SLC35B3: variants seen among roughly 807,000 people sequenced by gnomAD.
SLC35B3 encodes adenosine 3'-phospho 5'-phosphosulfate transporter 2.
A neutral mutation model predicts 44.1 loss-of-function variants in SLC35B3; 35 were observed. That is an observed-to-expected ratio of 0.79 (90% CI 0.61 to 1.05). The LOEUF (loss-of-function observed/expected upper bound fraction) is 1.05. SLC35B3 is among the 50% of genes least tolerant of loss of function. SLC35B3 has a pLI of 0.00. For missense variants in SLC35B3, 414 were observed against 476.4 expected, an observed-to-expected ratio of 0.87 and a Z score of 1.22; for synonymous variants, 146 against 167.3, an observed-to-expected ratio of 0.87 and a Z score of 0.98.
rs1255426223 is a variant in SLC35B3, at chr6:8,434,715, A to G, written c.-43-285T>C. Among the ~76,000 whole-genome samples the G allele has an allele frequency of 6.6e-6, 1 of 152,194 alleles. No individual in the cohort carries two copies. Among genetic ancestry groups the G allele is most frequent in the Non-Finnish European group, 1.5e-5 (1 of 68,032 alleles). On this transcript the variant is annotated intron_variant, in intron 1 of 10. Transcript: ENST00000644923. The surrounding 1 kb of genome is among the most constrained non-coding windows in gnomAD (Gnocchi z 6.3). ...AACAATTCTAGGCTTCTGATATCCT[A>G]ATGTAGAAAAAATGCAGATACTCAA...
rs1024330387 is a variant in SLC35B3, at chr6:8,413,040, C to G, written c.*509G>C. On this transcript the variant is annotated 3_prime_UTR_variant, in exon 11 of 11. Transcript: ENST00000644923. ...GCCTTACTCCAACTTCCATTTCTCT[C>G]TTTATAACAAAATTCTATTAACACA... 2.6e-5 allele frequency: 4 copies of G among 152,254 alleles called. No individual in the cohort carries two copies. The highest frequency in any genetic ancestry group is 9.7e-5 in the African/African-American group (4 of 41,432). The allele number at this position is 152,254 out of a possible 1,614,324, so 9.4% of individuals were successfully genotyped here.
rs1207956776 is a variant in SLC35B3 at position 8,419,031 on chromosome 6, T to C, written c.780+549A>G. On this transcript the variant is annotated intron_variant, in intron 7 of 10. Coordinates refer to ENST00000644923, the MANE Select transcript of SLC35B3 (RefSeq NM_001370476.2). The surrounding 1 kb of genome is among the most constrained non-coding windows in gnomAD (Gnocchi z 4.3). ...AGAGTGTGATATGATAAAGAGGGCA[T>C]TTAAAATGAGCTGAAAGTGGATTAT... 1 of 153,478 alleles carries C rather than the reference T, an allele frequency of 6.5e-6. No individual in the cohort carries two copies. The highest frequency in any genetic ancestry group is 1.5e-5 in the Non-Finnish European group (1 of 68,296). 9.5% of individuals were successfully genotyped at this position (153,478 alleles called of 1,614,324 possible).
At chr6:8,417,675 G>A (rs952417852) in intron 7 of SLC35B3, among the ~76,000 whole-genome samples, 181 bp from the exon 7 acceptor site, 1 of 151,838 alleles carries the variant, frequency 6.6e-6, no homozygotes, top group East Asian at 1.9e-4. Flanking sequence ...ATAAGTCTAT[G>A]CCTCATTTTA....
intron 5 of SLC35B3, among the ~76,000 whole-genome samples, chr6:8,421,108 A>G (rs1011320243): frequency 1.3e-5 from 2 of 152,232 alleles, no homozygotes; most frequent in African/African-American, 4.8e-5. Flanking sequence ...AATAATGCAC[A>G]TCCACAAACA....
At position 8,421,499 on chromosome 6, in the gene SLC35B3, T is replaced by C. The variant is rs1762885875; in HGVS notation, c.575-671A>G. 2.0e-5 allele frequency among the ~76,000 whole-genome samples: 3 copies of C among 152,220 alleles called. No individual in the cohort carries two copies. In the South Asian group the frequency reaches 6.2e-4, roughly 31 times the overall value. The stretch of plus-strand genomic sequence containing the variant: ...CAACACTTTCATTTTTAAAGGCTTA[T>C]TCTGGGATGGTATCTAATGCATAAA... On this transcript the variant is annotated intron_variant, in intron 5 of 10. Transcript: ENST00000644923.
rs142016883 is a variant in SLC35B3 at position 8,426,254 on chromosome 6, T to C, written c.419+1683A>G. ...CTGCATAGTAAGGTATCTTGGGGAATGGGACACAGGTCTTAATATGAGATT... is the reference window on the plus strand; with the variant it reads ...CTGCATAGTAAGGTATCTTGGGGAACGGGACACAGGTCTTAATATGAGATT... On this transcript the variant is annotated intron_variant, in intron 4 of 10. Transcript: ENST00000644923. Among the ~76,000 whole-genome samples the C allele has an allele frequency of 2.1e-4, 32 of 152,318 alleles. No individual in the cohort carries two copies. In the East Asian group the frequency reaches 6.2e-3, roughly 29 times the overall value.
At chr6:8,430,943 G>C (rs755512193) in intron 2 of SLC35B3, among the ~76,000 whole-genome samples, 8 of 151,702 alleles carry the variant, frequency 5.3e-5, no homozygotes, top group Non-Finnish European at 1.0e-4. Flanking sequence ...CCAAACCTAA[G>C]GTCCTTAAAA....
At chr6:8,422,409 G>T in intron 5 of SLC35B3, 61 bp downstream of exon 4, 1 of 1,234,312 alleles carries the variant, frequency 8.1e-7, no homozygotes, top group Non-Finnish European at 1.2e-6. Context: ...TTTTCCTAAT[G>T]CTAGATGCCA....
At chr6:8,424,812 G>T (rs1763266117) in intron 4 of SLC35B3, among the ~76,000 whole-genome samples, 2 of 152,100 alleles carry the variant, frequency 1.3e-5, no homozygotes, top group African/African-American at 4.8e-5. Flanking sequence ...CAAGTGCCAA[G>T]ACCCAAACCC....
At position 8,412,164 on chromosome 6, in the gene SLC35B3, C is replaced by T. The variant is rs1040777237; in HGVS notation, c.*1385G>A. 6.6e-6 allele frequency among the ~76,000 whole-genome samples: 1 copy of T among 152,154 alleles called. No individual in the cohort carries two copies. Among genetic ancestry groups the T allele is most frequent in the African/African-American group, 2.4e-5 (1 of 41,442 alleles). ...ATAATGAGAAGGCTCCTTCTGTGAACCAGAAAGCAGGCTCTCACCAAATCT... is the reference window on the plus strand; with the variant it reads ...ATAATGAGAAGGCTCCTTCTGTGAATCAGAAAGCAGGCTCTCACCAAATCT... On this transcript the variant is annotated 3_prime_UTR_variant, in exon 11 of 11. Transcript: ENST00000644923.
In SLC35B3 at chr6:8,435,035, G is replaced by C; in HGVS notation, c.-44+308C>G. The C allele has an allele frequency of 8.8e-7, 1 of 1,137,672 alleles. No homozygotes were observed. The highest frequency in any genetic ancestry group is 1.1e-6 in the Non-Finnish European group (1 of 894,256). 70.5% of individuals were successfully genotyped at this position (1,137,672 alleles called of 1,614,324 possible). On this transcript the variant is annotated intron_variant, in intron 1 of 10. Transcript: ENST00000644923. This position sits in a 1 kb window ranked among gnomAD's most constrained non-coding sequence, Gnocchi z 5.5. ...TCCAGGTGACTGACAGTTCTCCAGA[G>C]ACCCCGAGAACAGCGTAAAAGACCC...
chr6:8,424,705 T>G (rs945189678), intron 4 of SLC35B3, among the ~76,000 whole-genome samples: 1 of 152,238 alleles, frequency 6.6e-6, no homozygotes, highest in African/African-American at 2.4e-5. Flanking sequence ...TTACAGTTTA[T>G]GATGTACTTT....
intron 2 of SLC35B3, among the ~76,000 whole-genome samples, chr6:8,431,532 T>C (rs1006195933): frequency 4.6e-5 from 7 of 152,230 alleles, no homozygotes; most frequent in Admixed American, 4.6e-4. Context: ...CAACATTTTA[T>C]AGGGCACCTG....
At chr6:8,417,371 A>ATT in intron 8 of SLC35B3, 31 bp downstream of exon 7, 7 of 1,161,754 alleles carry the variant, frequency 6.0e-6, no homozygotes, top group Admixed American at 2.3e-5. Context: ...TTAACAGAAG[A>ATT]TTTTTTTTTT....
chr6:8,423,538 T>A (rs75529192), intron 4 of SLC35B3, among the ~76,000 whole-genome samples: 4,616 of 152,288 alleles, frequency 0.03, 251 homozygotes, highest in African/African-American at 0.11. Context: ...TGACTAGATA[T>A]TTAATGGTCT....
At position 8,434,428 on chromosome 6, in the gene SLC35B3, G is replaced by T. The variant is rs1051728005; in HGVS notation, c.-41C>A. The T allele has an allele frequency of 6.2e-7, 1 of 1,611,188 alleles. No individual in the cohort carries two copies. Among genetic ancestry groups the T allele is most frequent in the South Asian group, 1.1e-5 (1 of 90,770 alleles). On this transcript the variant is annotated splice_region_variant and 5_prime_UTR_variant, in exon 2 of 11. Coordinates refer to ENST00000644923, the MANE Select transcript of SLC35B3 (RefSeq NM_001370476.2). The surrounding 1 kb of genome is among the most constrained non-coding windows in gnomAD (Gnocchi z 6.3). ...TTAACTGCGCTCCGGAATCAATCAT[G>T]GCCTATGGTGTACGATTATAAAACA... is the stretch of plus-strand genomic sequence containing the variant.
chr6:8,423,151 C>T (rs1321588538), intron 4 of SLC35B3, among the ~76,000 whole-genome samples: 1 of 152,116 alleles, frequency 6.6e-6, no homozygotes, highest in African/African-American at 2.4e-5. Flanking sequence ...CCATGCCCAG[C>T]TAATGTTGGC....
At position 8,419,556 on chromosome 6, in the gene SLC35B3, A is replaced by C. The variant is rs1175122864; in HGVS notation, c.780+24T>G. ...CCATTTTTTAAATCTGTCTAATTTG[A>C]AGAAAAAACACTAGAGTATTTACCA... is the stretch of plus-strand genomic sequence containing the variant. On this transcript the variant is annotated intron_variant, in intron 7 of 10. Coordinates refer to ENST00000644923, the MANE Select transcript of SLC35B3 (RefSeq NM_001370476.2). This position sits in a 1 kb window ranked among gnomAD's most constrained non-coding sequence, Gnocchi z 4.3. 4.1e-6 allele frequency: 5 copies of C among 1,214,938 alleles called. No homozygotes were observed. Among genetic ancestry groups the C allele is most frequent in the Non-Finnish European group, 4.6e-6 (4 of 866,524 alleles). 75.3% of individuals were successfully genotyped at this position (1,214,938 alleles called of 1,614,324 possible).
At chr6:8,415,884 T>G (rs1405588774) in intron 9 of SLC35B3, among the ~76,000 whole-genome samples, 1 of 152,126 alleles carries the variant, frequency 6.6e-6, no homozygotes, top group East Asian at 1.9e-4. Context: ...TTTTAGGATT[T>G]TCATCTTCTC....
Sources: gnomAD v4.1 joint callset for allele counts (sites outside exome capture counted in the v4.1 genomes callset) on GRCh38, gnomAD v4.1.1 for gene constraint, Gnocchi (gnomAD v3.1) non-coding constraint, MANE v1.5 for transcripts, NCBI Gene and HGNC (gene_info 2026-07-23, HGNC 2026-07-21) for gene names.